The following USP34 variants were observed in gnomAD, a reference collection of about 807,000 sequenced individuals.
USP34 encodes ubiquitin specific peptidase 34.
Under a neutral mutation model 460.3 loss-of-function variants are expected in USP34, and 70 were observed. The observed-to-expected ratio is 0.15, with a 90% CI of 0.13 to 0.19. USP34 has a LOEUF of 0.19. Ranked by LOEUF, USP34 falls within the 10% of genes least tolerant of loss-of-function variation. The pLI is 1.00. For synonymous variants in USP34, 1,647 were observed against 1,405.3 expected (o/e 1.17, Z -3.85); for missense variants, 3,985 against 4,236.2 (o/e 0.94, Z 1.65).
At chr2:61,328,474 G>A (rs2103722401) in intron 20 of USP34, among the ~76,000 whole-genome samples, 1 of 152,128 alleles carries the variant, frequency 6.6e-6, no homozygotes, top group South Asian at 2.1e-4. Context: ...ACTGAAATAA[G>A]TATGCATGAA....
At chr2:61,340,882 T>C (rs1021520550) in intron 16 of USP34, among the ~76,000 whole-genome samples, 1 of 148,138 alleles carries the variant, frequency 6.8e-6, no homozygotes, top group Non-Finnish European at 1.5e-5. Context: ...TTTGGATGGG[T>C]GGGGGGACTG....
chr2:61,322,214 G>A (rs552171284), intron 21 of USP34, among the ~76,000 whole-genome samples: 2 of 152,220 alleles, frequency 1.3e-5, no homozygotes, highest in East Asian at 3.9e-4. Context: ...TGTGTGACAA[G>A]AGCAAGACTC....
In USP34 at chr2:61,188,066, G is replaced by T. The variant is rs1481289519; in HGVS notation, c.*36C>A. On this transcript the variant is annotated 3_prime_UTR_variant, in exon 80 of 80. Transcript: ENST00000398571. The stretch of plus-strand genomic sequence containing the variant: ...TATACAAACAGCATGGGGGTTGGGG[G>T]TGAGGGACTTAAAAGTAGACATGCT... 6.3e-7 allele frequency: 1 copy of T among 1,582,674 alleles called. No homozygotes were observed. Among genetic ancestry groups the T allele is most frequent in the African/African-American group, 1.4e-5 (1 of 74,028 alleles).
chr2:61,376,923 G>A (rs991720362), intron 8 of USP34, among the ~76,000 whole-genome samples: 1 of 152,200 alleles, frequency 6.6e-6, no homozygotes, highest in Non-Finnish European at 1.5e-5. Flanking sequence ...GGATACAGGC[G>A]TGAGCCACTG....
intron 2 of USP34, chr2:61,417,150 A>C: frequency 6.3e-7 from 1 of 1,576,918 alleles, no homozygotes; most frequent in Non-Finnish European, 8.6e-7. Context: ...CCCTGGCCAC[A>C]GTGCCCTGGG....
At chr2:61,387,928 T>TACACACACACACACAC (rs36116916) in intron 5 of USP34, among the ~76,000 whole-genome samples, 13 of 142,658 alleles carry the variant, frequency 9.1e-5, no homozygotes, top group African/African-American at 2.6e-4. Flanking sequence ...AATATATTTA[T>TACACACACACACACAC]ACACACACAC....
chr2:61,296,812 G>A lies in USP34; in HGVS notation c.4242C>T (p.Ile1414=), dbSNP rs776553640. Residue 1414 remains isoleucine, a synonymous_variant, in exon 30 of 80, where the codon ATC becomes ATT. Coordinates refer to ENST00000398571, the MANE Select transcript of USP34 (RefSeq NM_014709.4). ...TTTGTGGGCTCACCTGCTCATCTGA[G>A]ATATTCTGGAATGCCATCAACATAT... ...CPNMLMAFQN[I]SDEQSNDGFN... 8 of 1,613,090 alleles carry A rather than the reference G, an allele frequency of 5.0e-6. No homozygotes were observed. The East Asian group carries it at 1.8e-4, about 36-fold the overall frequency.
intron 27 of USP34, among the ~76,000 whole-genome samples, chr2:61,310,973 A>G (rs1018069111): frequency 1.3e-5 from 2 of 152,178 alleles, no homozygotes; most frequent in African/African-American, 2.4e-5. Context: ...TTTTGCAAAT[A>G]GCATCTGAAG....
At chr2:61,239,761 C>T (rs560206191) in intron 53 of USP34, among the ~76,000 whole-genome samples, 64 of 152,284 alleles carry the variant, frequency 4.2e-4, no homozygotes, top group African/African-American at 1.5e-3. Flanking sequence ...GTAATCCCAG[C>T]ACTTTGGGAG....
At chr2:61,289,467 G>C (rs1689784031) in intron 33 of USP34, among the ~76,000 whole-genome samples, 3 of 151,984 alleles carry the variant, frequency 2.0e-5, no homozygotes, top group African/African-American at 7.2e-5. Context: ...CTGACTGGAA[G>C]CTCAATTTTA....
At chr2:61,324,075 A>G (rs1239013211) in intron 21 of USP34, among the ~76,000 whole-genome samples, 2 of 152,234 alleles carry the variant, frequency 1.3e-5, no homozygotes, top group South Asian at 2.1e-4. Context: ...GGCTGACAAT[A>G]TATTAACCAC....
intron 21 of USP34, among the ~76,000 whole-genome samples, chr2:61,321,566 A>G (rs1690924406): frequency 6.6e-6 from 1 of 152,244 alleles, no homozygotes; most frequent in South Asian, 2.1e-4. Flanking sequence ...TTTTGGCCCT[A>G]AATGAATGTA....
Position 61,259,702 on chromosome 2 carries a change from T to A in USP34, c.5844+9A>T. 1 of 1,612,190 alleles carries A rather than the reference T, an allele frequency of 6.2e-7. No homozygotes were observed. On this transcript the variant is annotated intron_variant, in intron 44 of 79. Transcript: ENST00000398571. ...TGCCTGGCCTAGCCTCCATGATTCT[T>A]AAACATACCATTAAATATGTAAACA... is the stretch of plus-strand genomic sequence containing the variant.
intron 1 of USP34, among the ~76,000 whole-genome samples, chr2:61,469,630 G>A (rs575852332): frequency 6.6e-6 from 1 of 152,120 alleles, no homozygotes; most frequent in Non-Finnish European, 1.5e-5. Context: ...CTGTTTTAGC[G>A]AATTGTATTA....
At chr2:61,310,615 A>G (rs1320262755) in intron 27 of USP34, among the ~76,000 whole-genome samples, 1 of 150,560 alleles carries the variant, frequency 6.6e-6, no homozygotes, top group Non-Finnish European at 1.5e-5. Context: ...TAAGAAACAT[A>G]TATATTAAAT....
intron 1 of USP34, among the ~76,000 whole-genome samples, chr2:61,470,378 A>C (rs1406898226): frequency 6.6e-6 from 1 of 151,868 alleles, no homozygotes; most frequent in Non-Finnish European, 1.5e-5. Context: ...TGACACCTGT[A>C]ATGAGGAAAC....
intron 69 of USP34, among the ~76,000 whole-genome samples, chr2:61,210,138 T>C (rs938235907): frequency 6.6e-6 from 1 of 152,170 alleles, no homozygotes; most frequent in Non-Finnish European, 1.5e-5. Context: ...ATAAATTTAG[T>C]GTAGCTTAAG....
At chr2:61,358,400 T>C (rs1692171525) in intron 10 of USP34, among the ~76,000 whole-genome samples, 1 of 152,038 alleles carries the variant, frequency 6.6e-6, no homozygotes, top group Non-Finnish European at 1.5e-5. Context: ...ATATTATAAT[T>C]GTACACGAGA....
chr2:61,421,797 A>ACACACACG (rs1553387593), intron 1 of USP34, among the ~76,000 whole-genome samples: 87 of 147,396 alleles, frequency 5.9e-4, no homozygotes, highest in African/African-American at 1.5e-3. Flanking sequence ...ACACACACAC[A>ACACACACG]CGCGCGCGCG....
Sources: allele counts gnomAD v4.1 joint callset (sites outside exome capture counted in the v4.1 genomes callset), GRCh38; gene constraint gnomAD v4.1.1; transcripts MANE v1.5; gene names NCBI Gene and HGNC (gene_info 2026-07-23, HGNC 2026-07-21).